The following GFPT1 variants were observed in gnomAD, a reference collection of about 807,000 sequenced individuals.
GFPT1 encodes the protein glutamine--fructose-6-phosphate transaminase 1, also known as glutamine--fructose-6-phosphate aminotransferase [isomerizing] 1.
Under a neutral mutation model 92.0 loss-of-function variants are expected in GFPT1, and 40 were observed. The ratio of observed to expected loss-of-function variants is 0.43; its 90% CI spans 0.34 to 0.57. GFPT1 has a LOEUF of 0.57. GFPT1 is among the 20% of genes least tolerant of loss of function. GFPT1 has a pLI of 0.02. For synonymous variants in GFPT1, 269 were observed against 280.6 expected (o/e 0.96, Z 0.41); for missense variants, 448 against 869.1 (o/e 0.52, Z 6.09).
At position 69,326,943 on chromosome 2, in the gene GFPT1, A is replaced by G; in HGVS notation, c.2026T>C (p.Phe676Leu). Reference sequence around the variant, plus strand: ...TAGCCTCTCAGCACAGCAAGGTGGAAAGCCAGCAACTGTAAAGGGATCACG... The same window carrying G: ...TAGCCTCTCAGCACAGCAAGGTGGAGAGCCAGCAACTGTAAAGGGATCACG... ...LSVIPLQLLA[F>L]HLAVLRGYDV... Residue 676 changes from phenylalanine to leucine, a missense_variant, in exon 19 of 20, where the codon TTC (phenylalanine) becomes CTC (leucine). By Grantham distance (22) the Phe-to-Leu change is conservative. Coordinates refer to ENST00000357308, the MANE Select transcript of GFPT1 (RefSeq NM_001244710.2). 2 of 1,614,226 alleles carry G rather than the reference A, an allele frequency of 1.2e-6. No individual in the cohort carries two copies. The highest frequency in any genetic ancestry group is 1.7e-6 in the Non-Finnish European group (2 of 1,180,028).
rs1670372629 is a variant in GFPT1, at chr2:69,320,126, T to C, written c.*6063A>G. ...TGCGACACTGGAAAGAGGACAACAA[T>C]GTAACCTAAAAGGGAGCTACTGGCA... On this transcript the variant is annotated 3_prime_UTR_variant, in exon 20 of 20. Coordinates refer to ENST00000357308, the MANE Select transcript of GFPT1 (RefSeq NM_001244710.2). 6.6e-6 allele frequency: 1 copy of C among 152,168 alleles called. No individual in the cohort carries two copies. Among genetic ancestry groups the C allele is most frequent in the Non-Finnish European group, 1.5e-5 (1 of 68,024 alleles). 9.4% of individuals were successfully genotyped at this position (152,168 alleles called of 1,614,324 possible). A position where few individuals can be genotyped will look rare whatever the true frequency, so the allele number is the denominator to read the frequency against.
At chr2:69,333,110 T>C (rs922439609) in intron 15 of GFPT1, among the ~76,000 whole-genome samples, 2 of 152,196 alleles carry the variant, frequency 1.3e-5, no homozygotes, top group African/African-American at 4.8e-5. Flanking sequence ...AGCACATCTA[T>C]ATTCTAAATT....
chr2:69,329,468 T>TA, intron 16 of GFPT1, 44 bp from the exon 17 acceptor site: 1 of 1,435,556 alleles, frequency 7.0e-7, no homozygotes, highest in Non-Finnish European at 9.8e-7. Flanking sequence ...ACCAAACAAA[T>TA]AAAATAACAA....
intron 11 of GFPT1, among the ~76,000 whole-genome samples, chr2:69,347,463 G>C (rs925922489): frequency 6.8e-6 from 1 of 147,736 alleles, no homozygotes; most frequent in Non-Finnish European, 1.5e-5. Context: ...AAGTGTGTCA[G>C]ACACTGTTTT....
chr2:69,384,651 G>T (rs1398782589), intron 1 of GFPT1, among the ~76,000 whole-genome samples: 1 of 135,290 alleles, frequency 7.4e-6, no homozygotes, highest in Non-Finnish European at 1.5e-5. Flanking sequence ...CCAAGATCAT[G>T]CCGCTGCACT....
chr2:69,357,237 A>C lies in GFPT1; in HGVS notation c.544-680T>G, dbSNP rs536273887. ...CAGAATTAGAAAAGATCCTAAGATC[A>C]AAATCCAAAACCTATTCTCTGCCCT... On this transcript the variant is annotated intron_variant, in intron 6 of 19. Coordinates refer to ENST00000357308, the MANE Select transcript of GFPT1 (RefSeq NM_001244710.2). 4.9e-5 allele frequency among the ~76,000 whole-genome samples: 7 copies of C among 142,278 alleles called. No individual in the cohort carries two copies. In the East Asian group the frequency reaches 1.4e-3, roughly 28 times the overall value. 93.3% of individuals were successfully genotyped at this position (142,278 alleles called of 152,430 possible).
intron 1 of GFPT1, among the ~76,000 whole-genome samples, chr2:69,376,588 T>C (rs1382746467): frequency 6.6e-6 from 1 of 151,904 alleles, no homozygotes; most frequent in African/African-American, 2.4e-5. Context: ...CTGCATCAGC[T>C]AGAGTCCACT....
chr2:69,387,221 A>G lies in GFPT1; in HGVS notation c.-150T>C. 1 of 813,422 alleles carries G rather than the reference A, an allele frequency of 1.2e-6. No homozygotes were observed. The highest frequency in any genetic ancestry group is 3.7e-5 in the Admixed American group (1 of 27,022). The allele number at this position is 813,422 out of a possible 1,614,324, so 50.4% of individuals were successfully genotyped here. Reference sequence around the variant, plus strand: ...GGGATGCGACGGCCAAGGCAACGACAGCCTTCTCCGCCTCCCGGGCTCCGC... The same window carrying G: ...GGGATGCGACGGCCAAGGCAACGACGGCCTTCTCCGCCTCCCGGGCTCCGC... On this transcript the variant is annotated 5_prime_UTR_variant, in exon 1 of 20. Transcript: ENST00000357308.
intron 18 of GFPT1, among the ~76,000 whole-genome samples, 162 bp from the exon 19 acceptor site, chr2:69,327,237 C>T (rs892808957): frequency 9.9e-5 from 15 of 152,088 alleles, no homozygotes; most frequent in African/African-American, 3.1e-4. Flanking sequence ...TACTTATAGT[C>T]GAGGAAACAG....
At chr2:69,356,309 C>A (rs1671336670) in intron 7 of GFPT1, among the ~76,000 whole-genome samples, 187 bp downstream of exon 7, 1 of 151,978 alleles carries the variant, frequency 6.6e-6, no homozygotes, top group African/African-American at 2.4e-5. Context: ...TTGCTTTCTT[C>A]AGGGATTCTG....
intron 3 of GFPT1, among the ~76,000 whole-genome samples, chr2:69,364,894 T>C (rs1343915830): frequency 1.4e-5 from 2 of 139,950 alleles, no homozygotes; most frequent in Admixed American, 7.4e-5. Context: ...ACTCGGGAGG[T>C]TGAGGCAGGA....
rs189919589 is a variant in GFPT1, at chr2:69,321,465, T to A, written c.*4724A>T. The A allele has an allele frequency of 3.3e-5, 5 of 152,252 alleles. No individual in the cohort carries two copies. The highest frequency in any genetic ancestry group is 5.9e-5 in the Non-Finnish European group (4 of 68,044). The allele number at this position is 152,252 out of a possible 1,614,324, so 9.4% of individuals were successfully genotyped here. ...TCTTAGTACAATACAATTTCTAACATAACTACAAATGTGTATACACTTCAA... is the reference window on the plus strand; with the variant it reads ...TCTTAGTACAATACAATTTCTAACAAAACTACAAATGTGTATACACTTCAA... On this transcript the variant is annotated 3_prime_UTR_variant, in exon 20 of 20. Transcript: ENST00000357308.
chr2:69,343,311 G>A (rs1050311643), intron 12 of GFPT1, among the ~76,000 whole-genome samples: 13 of 151,950 alleles, frequency 8.6e-5, no homozygotes, highest in Non-Finnish European at 1.6e-4. Flanking sequence ...TCCAAATCTG[G>A]CTGAGGAGAA....
At chr2:69,380,313 G>A (rs148087592) in intron 1 of GFPT1, among the ~76,000 whole-genome samples, 1,739 of 152,276 alleles carry the variant, frequency 0.011, 30 homozygotes, top group African/African-American at 0.04. Flanking sequence ...CTGCACTCCA[G>A]GCTGGGCGAC....
intron 13 of GFPT1, 55 bp downstream of exon 13, chr2:69,342,097 G>T: frequency 1.1e-6 from 1 of 897,432 alleles, no homozygotes; most frequent in Non-Finnish European, 1.8e-6. Context: ...ACTACTACTT[G>T]GTCTACAGAT....
At chr2:69,364,961 C>T (rs1235754388) in intron 3 of GFPT1, among the ~76,000 whole-genome samples, 1 of 131,526 alleles carries the variant, frequency 7.6e-6, no homozygotes, top group South Asian at 2.4e-4. Context: ...CATCACTGCA[C>T]TCCAGCCTGG....
At chr2:69,369,955 AG>A in intron 3 of GFPT1, 45 bp downstream of exon 3, 1 of 1,064,608 alleles carries the variant, frequency 9.4e-7, no homozygotes, top group Non-Finnish European at 1.5e-6. Flanking sequence ...GGAGGGGAAA[AG>A]GAAGAGAAGG....
At chr2:69,362,908 A>C (rs573746260) in intron 4 of GFPT1, among the ~76,000 whole-genome samples, 2 of 152,304 alleles carry the variant, frequency 1.3e-5, no homozygotes, top group South Asian at 4.1e-4. Context: ...CAGTAATTTG[A>C]TTATACATTT....
At chr2:69,362,851 G>A (rs375656751) in intron 4 of GFPT1, among the ~76,000 whole-genome samples, 5 of 151,926 alleles carry the variant, frequency 3.3e-5, no homozygotes, top group Admixed American at 6.6e-5. Context: ...AAAGTAACAC[G>A]TAGCACAACT....
Sources: gnomAD v4.1 joint callset for allele counts (sites outside exome capture counted in the v4.1 genomes callset) on GRCh38, gnomAD v4.1.1 for gene constraint, MANE v1.5 for transcripts, NCBI Gene and HGNC (gene_info 2026-07-23, HGNC 2026-07-21) for gene names.